Variants in OGFOD1 observed in about 807,000 individuals in gnomAD.
The protein encoded by OGFOD1 is prolyl 3-hydroxylase OGFOD1.
In OGFOD1, 54 loss-of-function variants were observed where a neutral mutation model predicts 67.7. The observed-to-expected ratio is 0.80, with a 90% confidence interval of 0.64 to 1.00. The LOEUF is 1.00. OGFOD1 is among the 50% of genes least tolerant of loss of function. OGFOD1 has a pLI of 0.00. For synonymous variants in OGFOD1, 221 were observed against 227.0 expected (o/e 0.97, Z 0.24); for missense variants, 606 against 646.7 (o/e 0.94, Z 0.68).
intron 3 of OGFOD1, among the ~76,000 whole-genome samples, chr16:56,461,660 G>A (rs1596971417): frequency 6.6e-6 from 1 of 152,326 alleles, no homozygotes; most frequent in East Asian, 1.9e-4. Context: ...ATGGGACTAA[G>A]CCCTTAACCT....
chr16:56,458,679 CAT>C, intron 3 of OGFOD1, 85 bp downstream of exon 3: 8 of 1,133,396 alleles, frequency 7.1e-6, no homozygotes, highest in African/African-American at 1.5e-5. Context: ...TTGTGTATGT[CAT>C]ATAATTCTTG....
intron 12 of OGFOD1, 144 bp from the exon 13 acceptor site, chr16:56,475,900 C>A (rs1341333559): frequency 4.2e-6 from 3 of 712,990 alleles, no homozygotes; most frequent in Non-Finnish European, 6.9e-6. Flanking sequence ...GCTTGACAGC[C>A]ACCCCTAGTA....
In OGFOD1 at chr16:56,477,227, T is replaced by G. The variant is rs1173109590; in HGVS notation, c.*1022T>G. ...ATTATGGAGCCTTACATCCTGATCA[T>G]GCTGGGCCTTAGAATTCTGACACAG... On this transcript the variant is annotated 3_prime_UTR_variant, in exon 13 of 13. Coordinates refer to ENST00000566157, the MANE Select transcript of OGFOD1 (RefSeq NM_018233.4). The G allele has an allele frequency of 1.3e-5, 2 of 152,244 alleles. No individual in the cohort carries two copies. Among genetic ancestry groups the G allele is most frequent in the Non-Finnish European group, 2.9e-5 (2 of 68,046 alleles). 9.4% of individuals were successfully genotyped at this position (152,244 alleles called of 1,614,324 possible).
chr16:56,451,856 G>C, intron 1 of OGFOD1, 90 bp downstream of exon 1: 1 of 1,426,540 alleles, frequency 7.0e-7, no homozygotes, highest in South Asian at 1.3e-5. Flanking sequence ...CTTGGGCAGC[G>C]GGGCCGCAAG....
At chr16:56,460,287 A>G (rs1962671142) in intron 3 of OGFOD1, among the ~76,000 whole-genome samples, 1 of 152,210 alleles carries the variant, frequency 6.6e-6, no homozygotes, top group Non-Finnish European at 1.5e-5. Context: ...TGATCTTTTT[A>G]TTTCCCACTT....
Position 56,467,923 on chromosome 16 carries a change from TG to T in OGFOD1, c.807del (p.Trp269Ter). 1.3e-6 allele frequency: 2 copies of T among 1,592,266 alleles called. No homozygotes were observed. Among genetic ancestry groups the T allele is most frequent in the South Asian group, 2.2e-5 (2 of 90,584 alleles). ...TCGTAAGCATGAGATTTTGTATGAT[TG>T]GATCAACCCTACTTATCTGGACATG... is the stretch of plus-strand genomic sequence containing the variant. ...IPQDHEILYD[W>X]INPTYLDMDY... is the part of the protein sequence containing the mutation. On this transcript the variant is annotated frameshift_variant, in exon 8 of 13. Coordinates refer to ENST00000566157, the MANE Select transcript of OGFOD1 (RefSeq NM_018233.4). LOFTEE classifies it high-confidence loss of function.
intron 8 of OGFOD1, among the ~76,000 whole-genome samples, chr16:56,468,768 C>T (rs79326754): frequency 1.3e-5 from 2 of 151,976 alleles, no homozygotes; most frequent in Non-Finnish European, 1.5e-5. Flanking sequence ...TTCTCATGCC[C>T]TGGCTCTGTG....
chr16:56,462,079 C>G (rs1356215013), intron 3 of OGFOD1, among the ~76,000 whole-genome samples: 1 of 147,988 alleles, frequency 6.8e-6, no homozygotes, highest in Non-Finnish European at 1.5e-5. Context: ...GGCAACAGAG[C>G]AAGACTCTAT....
In OGFOD1 at chr16:56,478,890, G is replaced by A. The variant is rs1963588950; in HGVS notation, c.*2685G>A. Reference sequence around the variant, plus strand: ...CAGCAGCACCTCTTAGATTGTGAAGGATGGTGTAACTTAAAAGATTGTGTT... The same window carrying A: ...CAGCAGCACCTCTTAGATTGTGAAGAATGGTGTAACTTAAAAGATTGTGTT... On this transcript the variant is annotated 3_prime_UTR_variant, in exon 13 of 13. Coordinates refer to ENST00000566157, the MANE Select transcript of OGFOD1 (RefSeq NM_018233.4). 6.6e-6 allele frequency: 1 copy of A among 152,188 alleles called. No homozygotes were observed. The highest frequency in any genetic ancestry group is 1.5e-5 in the Non-Finnish European group (1 of 68,032). 9.4% of individuals were successfully genotyped at this position (152,188 alleles called of 1,614,324 possible).
At chr16:56,467,384 C>T in intron 7 of OGFOD1, 91 bp downstream of exon 7, 1 of 1,377,690 alleles carries the variant, frequency 7.3e-7, no homozygotes, top group Non-Finnish European at 1.0e-6. Flanking sequence ...TTTAATGAAA[C>T]TGGACCTTGA....
chr16:56,451,646 G>T lies in OGFOD1; in HGVS notation c.34G>T (p.Ala12Ser), dbSNP rs200222995. Residue 12 changes from alanine (A) to serine (S), a missense_variant, in exon 1 of 13, where the codon GCC (alanine) becomes TCC (serine). Ala to Ser is a moderately conservative substitution (Grantham distance 99). Transcript: ENST00000566157. Reference sequence around the variant, plus strand: ...GAAGCGGCCAGCGGAGCCCGGCCCAGCCCGGGTGGGAAAAAAGGGAAAGAA... The same window carrying T: ...GAAGCGGCCAGCGGAGCCCGGCCCATCCCGGGTGGGAAAAAAGGGAAAGAA... Reference protein sequence around the residue: ...NGKRPAEPGPARVGKKGKKEV... With the variant: ...NGKRPAEPGPSRVGKKGKKEV... 8 of 1,613,880 alleles carry T rather than the reference G, an allele frequency of 5.0e-6. No individual in the cohort carries two copies. Among genetic ancestry groups the T allele is most frequent in the Non-Finnish European group, 6.8e-6 (8 of 1,180,028 alleles).
Position 56,476,240 on chromosome 16 carries a change from T to G in OGFOD1, c.*35T>G. 2 of 1,590,164 alleles carry G rather than the reference T, an allele frequency of 1.3e-6. No homozygotes were observed. Among genetic ancestry groups the G allele is most frequent in the South Asian group, 1.1e-5 (1 of 87,506 alleles). ...GCAAAGCTGAACAAAAATGTGACCC[T>G]TCGTAATTACTGGGAAGTCTGAAAG... On this transcript the variant is annotated 3_prime_UTR_variant, in exon 13 of 13. Transcript: ENST00000566157.
rs938573840 is a variant in OGFOD1 at position 56,477,343 on chromosome 16, G to C, written c.*1138G>C. On this transcript the variant is annotated 3_prime_UTR_variant, in exon 13 of 13. Coordinates refer to ENST00000566157, the MANE Select transcript of OGFOD1 (RefSeq NM_018233.4). ...AGGCTTAGTGTAGTATTATTCCCTT[G>C]GAAAGGGTCTGGCCTACCATCACAT... 4 of 152,024 alleles carry C rather than the reference G, an allele frequency of 2.6e-5. No homozygotes were observed. Among genetic ancestry groups the C allele is most frequent in the African/African-American group, 9.7e-5 (4 of 41,376 alleles). The allele number at this position is 152,024 out of a possible 1,614,324, so 9.4% of individuals were successfully genotyped here.
intron 5 of OGFOD1, 44 bp from the exon 6 acceptor site, chr16:56,466,832 A>G: frequency 2.9e-6 from 4 of 1,402,436 alleles, no homozygotes; most frequent in Non-Finnish European, 4.0e-6. Flanking sequence ...GGCAGGCTGG[A>G]AGTGGTTAAT....
chr16:56,466,054 T>A (rs1368115322), intron 4 of OGFOD1, 98 bp from the exon 5 acceptor site: 2 of 800,770 alleles, frequency 2.5e-6, no homozygotes, highest in African/African-American at 1.7e-5. Context: ...GGAGCTGACA[T>A]TACAGTTGAA....
At chr16:56,463,483 C>G (rs537012082) in intron 4 of OGFOD1, among the ~76,000 whole-genome samples, 2 of 131,012 alleles carry the variant, frequency 1.5e-5, no homozygotes, top group African/African-American at 2.9e-5. Flanking sequence ...AATGCAGTGG[C>G]GTGATCTCGG....
rs536213704 is a variant in OGFOD1 at position 56,477,579 on chromosome 16, C to T, written c.*1374C>T. On this transcript the variant is annotated 3_prime_UTR_variant, in exon 13 of 13. Coordinates refer to ENST00000566157, the MANE Select transcript of OGFOD1 (RefSeq NM_018233.4). The stretch of plus-strand genomic sequence containing the variant: ...ATTTTAAGAGACGGAATGCTAAAAC[C>T]ACATCAGAATGCCAAGAGGCTGTGC... 3.9e-5 allele frequency: 6 copies of T among 152,206 alleles called. No homozygotes were observed. The highest frequency in any genetic ancestry group is 1.4e-4 in the African/African-American group (6 of 41,536). The allele number at this position is 152,206 out of a possible 1,614,324, so 9.4% of individuals were successfully genotyped here.
At chr16:56,473,325 C>G (rs562056921) in intron 10 of OGFOD1, among the ~76,000 whole-genome samples, 2 of 152,114 alleles carry the variant, frequency 1.3e-5, no homozygotes, top group Non-Finnish European at 2.9e-5. Flanking sequence ...TGAAAAACAC[C>G]GTTCTCTAGT....
intron 3 of OGFOD1, among the ~76,000 whole-genome samples, chr16:56,462,212 C>T (rs1962735034): frequency 6.6e-6 from 1 of 152,064 alleles, no homozygotes; most frequent in South Asian, 2.1e-4. Flanking sequence ...GTTGTTATGA[C>T]AAAGGCCAAA....
Sources: gnomAD v4.1 joint callset for allele counts (sites outside exome capture counted in the v4.1 genomes callset) on GRCh38, gnomAD v4.1.1 for gene constraint, MANE v1.5 for transcripts, NCBI Gene and HGNC (gene_info 2026-07-23, HGNC 2026-07-21) for gene names.